Variants in ABCA1 observed in about 807,000 individuals in gnomAD.
ABCA1 encodes ATP binding cassette subfamily A member 1.
Under a neutral mutation model 262.5 loss-of-function variants are expected in ABCA1, and 133 were observed. The ratio of observed to expected loss-of-function variants is 0.51; its 90% confidence interval spans 0.44 to 0.59. The LOEUF is 0.59. Among genes scored for constraint, ABCA1 ranks in the 20% least tolerant of loss-of-function variants. ABCA1 has a pLI of 0.00. For synonymous variants in ABCA1, 1,022 were observed against 1,043.5 expected, an observed-to-expected ratio of 0.98 and a Z score of 0.40; for missense variants, 2,452 against 2,777.5, an observed-to-expected ratio of 0.88 and a Z score of 2.63.
chr9:104,920,614 C>A (rs149710524), intron 1 of ABCA1, among the ~76,000 whole-genome samples: 1 of 152,138 alleles, frequency 6.6e-6, no homozygotes, highest in African/African-American at 2.4e-5. Flanking sequence ...TGGGTTCAAG[C>A]GATTCTTCTG....
intron 32 of ABCA1, 100 bp downstream of exon 32, chr9:104,804,526 A>G: frequency 1.1e-6 from 1 of 951,450 alleles, no homozygotes; most frequent in Non-Finnish European, 1.7e-6. Context: ...ATCAGGCCAT[A>G]ATCTGGCATT....
intron 34 of ABCA1, among the ~76,000 whole-genome samples, 174 bp from the exon 35 acceptor site, chr9:104,800,758 A>G (rs1437166387): frequency 6.6e-6 from 1 of 152,210 alleles, no homozygotes; most frequent in African/African-American, 2.4e-5. Flanking sequence ...CCAAGTGACT[A>G]GAAATCTACA....
At position 104,845,533 on chromosome 9, in the gene ABCA1, C is replaced by A. The variant is rs770069368; in HGVS notation, c.757G>T (p.Glu253Ter). Residue 253 changes from glutamate (E) to a stop codon, truncating the protein, a stop_gained, in exon 8 of 50, where the codon GAG becomes TAG. Coordinates refer to ENST00000374736, the MANE Select transcript of ABCA1 (RefSeq NM_005502.4). LOFTEE classifies it high-confidence loss of function. ...AATGTTTTTGTGGCTTCAGCCAGCT[C>A]CTTGCTCGGGAAGGGAGATGTAGAG... ...LNSTSPFPSK[E>*]LAEATKTLLH... The A allele has an allele frequency of 1.2e-6, 2 of 1,613,992 alleles. No individual in the cohort carries two copies. Among genetic ancestry groups the A allele is most frequent in the South Asian group, 1.1e-5 (1 of 91,050 alleles).
At chr9:104,821,579 G>A in intron 19 of ABCA1, 73 bp from the exon 20 acceptor site, 7 of 1,576,106 alleles carry the variant, frequency 4.4e-6, no homozygotes, top group Non-Finnish European at 6.1e-6. Context: ...CATTCAGTCT[G>A]CAGAGAGAAC....
Position 104,825,677 on chromosome 9 carries a change from G to C in ABCA1, c.2542+6C>G, listed in dbSNP as rs1338383342. ...ATTTTCCAAACAGATGCCCAAAGCA[G>C]TGTACCTGGAAAGACAGCCTCAATG... On this transcript the variant is annotated splice_donor_region_variant and intron_variant, in intron 17 of 49. Transcript: ENST00000374736. 1 of 1,613,896 alleles carries C rather than the reference G, an allele frequency of 6.2e-7. No homozygotes were observed. The highest frequency in any genetic ancestry group is 1.3e-5 in the African/African-American group (1 of 74,928).
intron 1 of ABCA1, among the ~76,000 whole-genome samples, chr9:104,918,311 G>C (rs1217272339): frequency 1.3e-5 from 2 of 152,156 alleles, no homozygotes; most frequent in African/African-American, 2.4e-5. Context: ...TCATTTAACA[G>C]GTACCAAACC....
intron 5 of ABCA1, among the ~76,000 whole-genome samples, chr9:104,875,841 C>T (rs541015922): frequency 1.8e-4 from 27 of 152,226 alleles, no homozygotes; most frequent in Non-Finnish European, 3.4e-4. Flanking sequence ...TCACAGGGAC[C>T]GCGGTGTGTA....
intron 11 of ABCA1, among the ~76,000 whole-genome samples, chr9:104,834,178 T>C (rs941346051): frequency 1.3e-5 from 2 of 150,040 alleles, no homozygotes; most frequent in Non-Finnish European, 3.0e-5. Flanking sequence ...ATTATTCCTA[T>C]AGTGCTGAAC....
intron 1 of ABCA1, among the ~76,000 whole-genome samples, chr9:104,917,669 G>T (rs527793321): frequency 2.6e-5 from 4 of 152,008 alleles, no homozygotes; most frequent in African/African-American, 7.2e-5. Context: ...CAGGAGAATC[G>T]CTTGAACCCA....
chr9:104,837,565 G>A lies in ABCA1; in HGVS notation c.1057C>T (p.Pro353Ser), dbSNP rs1183964149. 12 of 1,613,902 alleles carry A rather than the reference G, an allele frequency of 7.4e-6. No homozygotes were observed. The highest frequency in any genetic ancestry group is 1.3e-5 in the African/African-American group (1 of 74,916). Residue 353 changes from proline (P) to serine (S), a missense_variant and splice_region_variant, in exon 10 of 50, where the codon CCT (proline) becomes TCT (serine). Pro to Ser is a moderately conservative substitution (Grantham distance 74). Transcript: ENST00000374736. ...TTCTTCATCAAATCATTGCAGTAAG[G>A]AGCTATGAAGAAGAGGAGAGACAAA... ...AETFYDNSTT[P>S]YCNDLMKNLE...
At chr9:104,918,643 T>G (rs964162891) in intron 1 of ABCA1, among the ~76,000 whole-genome samples, 1 of 152,188 alleles carries the variant, frequency 6.6e-6, no homozygotes, top group Non-Finnish European at 1.5e-5. Context: ...CATATCTTCT[T>G]CTTCCTTCTC....
At chr9:104,896,682 G>A (rs1564270213) in intron 2 of ABCA1, among the ~76,000 whole-genome samples, 1 of 118,490 alleles carries the variant, frequency 8.4e-6, no homozygotes. Context: ...ATGACCAAAT[G>A]AATAACTCCA....
chr9:104,819,630 T>A lies in ABCA1; in HGVS notation c.3197A>T (p.Tyr1066Phe). ...CAGCTCCCATATTCCCCTGCGGGAG[T>A]AAGGGTCCACACCAGCTGTGGGTTC... Reference protein sequence around the residue: ...LDEPTAGVDPYSRRGIWELLL... With the variant: ...LDEPTAGVDPFSRRGIWELLL... Residue 1066 changes from tyrosine to phenylalanine, a missense_variant, in exon 22 of 50, where the codon TAC (tyrosine) becomes TTC (phenylalanine). Transcript: ENST00000374736. The A allele has an allele frequency of 6.2e-7, 1 of 1,613,914 alleles. No individual in the cohort carries two copies.
At chr9:104,909,654 A>ACACACACACACG (rs770801372) in intron 1 of ABCA1, among the ~76,000 whole-genome samples, 18 of 146,508 alleles carry the variant, frequency 1.2e-4, no homozygotes, top group African/African-American at 3.8e-4. Context: ...ACACACACAC[A>ACACACACACACG]TTCACAGGAA....
intron 7 of ABCA1, among the ~76,000 whole-genome samples, chr9:104,845,835 T>A (rs1834820762): frequency 6.6e-6 from 1 of 152,210 alleles, no homozygotes; most frequent in South Asian, 2.1e-4. Flanking sequence ...ATTAAAAGGA[T>A]CTCATGTGGG....
intron 28 of ABCA1, 128 bp from the exon 29 acceptor site, chr9:104,811,052 C>T: frequency 7.2e-7 from 1 of 1,382,136 alleles, no homozygotes; most frequent in Admixed American, 1.9e-5. Flanking sequence ...ATGAGGAATG[C>T]AGGGCCTATG....
At chr9:104,861,413 G>A (rs370053270) in intron 6 of ABCA1, 121 of 597,848 alleles carry the variant, frequency 2.0e-4, no homozygotes, top group Non-Finnish European at 4.2e-5. Context: ...CCTTGTAGGA[G>A]GAAATCATCA....
chr9:104,861,714 C>A lies in ABCA1; in HGVS notation c.508G>T (p.Asp170Tyr), dbSNP rs1208938305. The stretch of plus-strand genomic sequence containing the variant: ...ATGACATCAGCCCTCAGCATCTTGT[C>A]CACAGTAGACTTTGGGAGAGAGAGG... ...HNLSLPKSTV[D>Y]KMLRADVILH... Residue 170 changes from aspartate to tyrosine, a missense_variant, in exon 6 of 50, where the codon GAC (aspartate) becomes TAC (tyrosine). By Grantham distance (160) the Asp-to-Tyr change is radical. Around this residue, in one of 4 missense-constraint regions of ABCA1, gnomAD observed 1,032 missense variants for 1,089.7 expected, o/e 0.95. Transcript: ENST00000374736. 1.2e-6 allele frequency: 2 copies of A among 1,614,084 alleles called. No homozygotes were observed. The highest frequency in any genetic ancestry group is 4.5e-5 in the East Asian group (2 of 44,882).
At chr9:104,825,221 C>G (rs961044919) in intron 17 of ABCA1, among the ~76,000 whole-genome samples, 12 of 152,152 alleles carry the variant, frequency 7.9e-5, no homozygotes, top group African/African-American at 1.2e-4. Context: ...AGTTGTACCC[C>G]CTCTGAGGAC....
Sources: allele counts gnomAD v4.1 joint callset (sites outside exome capture counted in the v4.1 genomes callset), GRCh38; gene constraint gnomAD v4.1.1; regional missense constraint gnomAD v4.1.1; transcripts MANE v1.5; gene names NCBI Gene and HGNC (gene_info 2026-07-23, HGNC 2026-07-21).